The following SOX6 variants were observed in gnomAD, a reference collection of about 807,000 sequenced individuals.
SOX6 encodes the protein transcription factor SOX-6.
Under a neutral mutation model 97.8 loss-of-function variants are expected in SOX6, and 11 were observed. The observed-to-expected ratio is 0.11, with a 90% CI of 0.07 to 0.19. SOX6 has a LOEUF of 0.19. Among genes scored for constraint, SOX6 ranks in the 10% least tolerant of loss-of-function variants. SOX6 has a pLI of 1.00. For synonymous variants in SOX6, 360 were observed against 371.4 expected (o/e 0.97, Z 0.35); for missense variants, 810 against 1,039.5 (o/e 0.78, Z 3.04).
chr11:16,046,737 G>C (rs1333003463), intron 11 of SOX6, 36 bp from the exon 12 acceptor site: 1 of 1,600,154 alleles, frequency 6.2e-7, no homozygotes, highest in South Asian at 1.1e-5. Flanking sequence ...ATGCTTGTGA[G>C]GTCAGACTCC....
intron 4 of SOX6, among the ~76,000 whole-genome samples, chr11:16,581,681 T>C (rs1213902764): frequency 6.6e-6 from 1 of 151,996 alleles, no homozygotes; most frequent in African/African-American, 2.4e-5. Context: ...AAATGAATGA[T>C]GGCCGGGTGT....
At chr11:16,047,370 C>T (rs996852728) in intron 11 of SOX6, among the ~76,000 whole-genome samples, 5 of 151,960 alleles carry the variant, frequency 3.3e-5, no homozygotes, top group East Asian at 1.9e-4. Flanking sequence ...ACCCCCAGCT[C>T]GAACACCCAC....
At chr11:16,503,504 A>G (rs1213564630) in intron 4 of SOX6, among the ~76,000 whole-genome samples, 1 of 152,238 alleles carries the variant, frequency 6.6e-6, no homozygotes, top group African/African-American at 2.4e-5. Flanking sequence ...GACTGGTTGA[A>G]TGAATACAAA....
At chr11:16,692,301 C>A (rs1485507017) in intron 3 of SOX6, among the ~76,000 whole-genome samples, 4 of 152,252 alleles carry the variant, frequency 2.6e-5, no homozygotes, top group African/African-American at 9.6e-5. Flanking sequence ...CCACCCACCT[C>A]GGCCTTCCAA....
intron 4 of SOX6, among the ~76,000 whole-genome samples, chr11:16,499,363 T>G (rs1267773075): frequency 6.6e-6 from 1 of 151,384 alleles, no homozygotes; most frequent in Non-Finnish European, 1.5e-5. Context: ...GCAGGAAAGA[T>G]CTAAAATTAA....
chr11:16,046,730 C>T (rs776866088), intron 11 of SOX6, 29 bp from the exon 12 acceptor site: 1 of 1,606,486 alleles, frequency 6.2e-7, no homozygotes, highest in East Asian at 2.2e-5. Flanking sequence ...TTATTAGATG[C>T]TTGTGAGGTC....
At chr11:16,011,049 C>G (rs1021701121) in intron 13 of SOX6, among the ~76,000 whole-genome samples, 3 of 152,174 alleles carry the variant, frequency 2.0e-5, no homozygotes, top group South Asian at 2.1e-4. Flanking sequence ...AACTTCAACT[C>G]AAATCTCCCA....
intron 3 of SOX6, among the ~76,000 whole-genome samples, chr11:16,666,868 A>T (rs1040306884): frequency 2.6e-5 from 4 of 152,166 alleles, no homozygotes; most frequent in African/African-American, 7.2e-5. Flanking sequence ...GATCTAGAAA[A>T]TAGTCTTAAA....
chr11:16,014,839 A>T, intron 13 of SOX6, 103 bp downstream of exon 13: 1 of 1,040,794 alleles, frequency 9.6e-7, no homozygotes, highest in Non-Finnish European at 1.5e-6. Flanking sequence ...TAAGAAATCT[A>T]GTGATGACTC....
At chr11:16,066,043 T>C (rs115869163) in intron 9 of SOX6, among the ~76,000 whole-genome samples, 2 of 152,100 alleles carry the variant, frequency 1.3e-5, no homozygotes, top group African/African-American at 2.4e-5. Context: ...CTAGAATATA[T>C]AAGGAGCTCA....
chr11:16,334,948 C>A (rs1856412555), intron 2 of SOX6, among the ~76,000 whole-genome samples: 1 of 151,920 alleles, frequency 6.6e-6, no homozygotes, highest in Non-Finnish European at 1.5e-5. Context: ...CATACTTTTT[C>A]TAAAGGACAG....
At chr11:16,581,392 T>G (rs1321956292) in intron 4 of SOX6, among the ~76,000 whole-genome samples, 2 of 151,188 alleles carry the variant, frequency 1.3e-5, no homozygotes, top group Non-Finnish European at 2.9e-5. Flanking sequence ...TAAGTGGGAG[T>G]TGAACAATGA....
chr11:16,187,106 G>A (rs1851500075), intron 4 of SOX6, 151 bp from the exon 5 acceptor site: 1 of 800,812 alleles, frequency 1.2e-6, no homozygotes, highest in Non-Finnish European at 2.1e-6. Context: ...GAACACCAGA[G>A]AGTAATTACA....
At chr11:16,513,151 C>T (rs1860906187) in intron 4 of SOX6, among the ~76,000 whole-genome samples, 1 of 152,210 alleles carries the variant, frequency 6.6e-6, no homozygotes, top group African/African-American at 2.4e-5. Context: ...ATATGTGCAA[C>T]TTCACACTCA....
intron 2 of SOX6, among the ~76,000 whole-genome samples, chr11:16,734,861 T>G (rs1310484726): frequency 6.6e-6 from 1 of 152,208 alleles, no homozygotes; most frequent in African/African-American, 2.4e-5. Context: ...GTTCAATACC[T>G]TTATTATAGC....
intron 1 of SOX6, among the ~76,000 whole-genome samples, chr11:16,352,734 C>A (rs1856982251): frequency 6.6e-6 from 1 of 152,088 alleles, no homozygotes; most frequent in Non-Finnish European, 1.5e-5. Flanking sequence ...TCTAAATACT[C>A]ATTTAATCAG....
intron 4 of SOX6, among the ~76,000 whole-genome samples, chr11:16,511,342 C>T (rs1860877270): frequency 6.6e-6 from 1 of 152,134 alleles, no homozygotes; most frequent in Non-Finnish European, 1.5e-5. Flanking sequence ...TCTGGTGCTC[C>T]TTCTGCATAA....
At chr11:16,566,095 CA>C (rs67916329) in intron 4 of SOX6, among the ~76,000 whole-genome samples, 28,461 of 98,600 alleles carry the variant, frequency 0.29, 2,740 homozygotes, top group East Asian at 0.5. Context: ...GACTCCGTCT[CA>C]AAAAAAAAAA....
chr11:16,438,683 A>C (rs1859436927), intron 1 of SOX6, among the ~76,000 whole-genome samples: 1 of 149,548 alleles, frequency 6.7e-6, no homozygotes, highest in African/African-American at 2.5e-5. Context: ...GTTTGGTGAT[A>C]CTCTTTCTAC....
Sources: allele counts gnomAD v4.1 joint callset (sites outside exome capture counted in the v4.1 genomes callset), GRCh38; gene constraint gnomAD v4.1.1; transcripts MANE v1.5; gene names NCBI Gene and HGNC (gene_info 2026-07-23, HGNC 2026-07-21).